The following MAP3K7 variants were observed in gnomAD, a reference collection of about 807,000 sequenced individuals.
MAP3K7 encodes TGF-beta activated kinase 1.
A neutral mutation model predicts 84.8 loss-of-function variants in MAP3K7; 21 were observed. The observed-to-expected ratio is 0.25, with a 90% CI of 0.18 to 0.36. The LOEUF (loss-of-function observed/expected upper bound fraction) is 0.36, where lower values mean the gene tolerates loss of function less well. Ranked by LOEUF, MAP3K7 falls within the 10% of genes least tolerant of loss-of-function variation. The pLI is 1.00. For missense variants in MAP3K7, 503 were observed against 747.7 expected (o/e 0.67, Z 3.82); for synonymous variants, 241 against 247.7 (o/e 0.97, Z 0.25).
At position 90,517,633 on chromosome 6, in the gene MAP3K7, A is replaced by G. The variant is rs3799921; in HGVS notation, c.1640+814T>C. ...CTACGATTTCCAAACTGTAGTATTT[A>G]ATTTCCTATTTAGGCTTACCTTTCA... is the stretch of plus-strand genomic sequence containing the variant. On this transcript the variant is annotated intron_variant, in intron 16 of 16. Coordinates refer to ENST00000369329, the MANE Select transcript of MAP3K7 (RefSeq NM_145331.3). Among the ~76,000 whole-genome samples, 183 of 151,968 alleles carry G rather than the reference A, an allele frequency of 1.2e-3. No individual in the cohort carries two copies. In the East Asian group the frequency reaches 0.029, roughly 24 times the overall value.
At chr6:90,541,264 T>C (rs1416583391) in intron 12 of MAP3K7, among the ~76,000 whole-genome samples, 12 of 152,036 alleles carry the variant, frequency 7.9e-5, no homozygotes, top group Admixed American at 6.6e-5. Context: ...AGAAAATCTA[T>C]TTCTTTTCTC....
chr6:90,533,505 C>G (rs945457508), intron 13 of MAP3K7, among the ~76,000 whole-genome samples: 1 of 152,112 alleles, frequency 6.6e-6, no homozygotes, highest in Non-Finnish European at 1.5e-5. Flanking sequence ...TGTCAGAAAG[C>G]AAGGGCAATT....
intron 3 of MAP3K7, among the ~76,000 whole-genome samples, chr6:90,566,093 C>A (rs1776693571): frequency 6.6e-6 from 1 of 152,082 alleles, no homozygotes; most frequent in South Asian, 2.1e-4. Context: ...TATGACAAAC[C>A]CACAGCCAAT....
At chr6:90,573,883 C>T (rs967689246) in intron 1 of MAP3K7, among the ~76,000 whole-genome samples, 1 of 152,242 alleles carries the variant, frequency 6.6e-6, no homozygotes, top group African/African-American at 2.4e-5. Flanking sequence ...CGTCCTAGCC[C>T]TGGGCACTCA....
At chr6:90,578,351 C>T (rs765381139) in intron 1 of MAP3K7, among the ~76,000 whole-genome samples, 1 of 152,188 alleles carries the variant, frequency 6.6e-6, no homozygotes, top group East Asian at 1.9e-4. Flanking sequence ...CAGCTCACTG[C>T]AGCCTCTGCC....
At chr6:90,542,134 T>C (rs914328616) in intron 12 of MAP3K7, 2 of 582,746 alleles carry the variant, frequency 3.4e-6, no homozygotes, top group African/African-American at 4.1e-5. Context: ...CTAGAAAGTA[T>C]TAAGAAATTT....
rs34960369 is a variant in MAP3K7 at position 90,548,300 on chromosome 6, T to C, written c.950-123A>G. On this transcript the variant is annotated intron_variant, in intron 9 of 16. Coordinates refer to ENST00000369329, the MANE Select transcript of MAP3K7 (RefSeq NM_145331.3). ...CAGGAACAGAAATAAAATAAGACTTTTCAAGCTAATGAAGATATCCAAACA... is the reference window on the plus strand; with the variant it reads ...CAGGAACAGAAATAAAATAAGACTTCTCAAGCTAATGAAGATATCCAAACA... 2,538 of 833,936 alleles carry C rather than the reference T, an allele frequency of 3.0e-3. 38 individuals are homozygous for C. The African/African-American group carries it at 0.04, about 13-fold the overall frequency. The allele number at this position is 833,936 out of a possible 1,614,324, so 51.7% of individuals were successfully genotyped here. A position where few individuals can be genotyped will look rare whatever the true frequency, so the allele number is the denominator to read the frequency against.
chr6:90,547,486 G>C, intron 10 of MAP3K7, 99 bp from the exon 11 acceptor site: 1 of 1,315,686 alleles, frequency 7.6e-7, no homozygotes, highest in Non-Finnish European at 1.1e-6. Flanking sequence ...GATTCTGATA[G>C]ATCCTGTTCT....
chr6:90,547,353 C>T lies in MAP3K7; in HGVS notation c.1115G>A (p.Arg372His), dbSNP rs961650989. 27 of 1,612,256 alleles carry T rather than the reference C, an allele frequency of 1.7e-5. No individual in the cohort carries two copies. The highest frequency in any genetic ancestry group is 9.4e-5 in the African/African-American group (7 of 74,706). The change falls in exon 11 of 17, where the codon CGT becomes CAT. Residue 372 changes from arginine (R) to histidine (H), a missense_variant. By Grantham distance (29) the Arg-to-His change is conservative (BLOSUM62 0). Transcript: ENST00000369329. ...ESGRLSLGASRGSSVESLPPT... is the reference protein window; with the variant it reads ...ESGRLSLGASHGSSVESLPPT... Reference sequence around the variant, plus strand: ...GGGCAAGCTCTCCACACTGCTCCCACGGGAGGCTCCCAAGCTTAAACGTCC... The same window carrying T: ...GGGCAAGCTCTCCACACTGCTCCCATGGGAGGCTCCCAAGCTTAAACGTCC...
chr6:90,531,642 C>T (rs543198652), intron 13 of MAP3K7, among the ~76,000 whole-genome samples: 2 of 152,036 alleles, frequency 1.3e-5, no homozygotes, highest in Non-Finnish European at 2.9e-5. Flanking sequence ...TGGTCTTCTA[C>T]AATAGAAAGG....
At chr6:90,563,143 G>A (rs944875450) in intron 3 of MAP3K7, among the ~76,000 whole-genome samples, 1 of 152,200 alleles carries the variant, frequency 6.6e-6, no homozygotes, top group African/African-American at 2.4e-5. Context: ...CAGAAAAGCT[G>A]AAAATTCTAA....
intron 13 of MAP3K7, among the ~76,000 whole-genome samples, chr6:90,526,232 C>T (rs1042437750): frequency 6.6e-6 from 1 of 152,046 alleles, no homozygotes; most frequent in African/African-American, 2.4e-5. Context: ...AACTTGAACT[C>T]CATAAAAAAC....
rs1484130213 is a variant in MAP3K7, at chr6:90,515,729, T to C, written c.*772A>G. ...TTGCCTTTTAATTTCATTTAAGAGA[T>C]TAATATTAGAGTCATAAAAGCTTTA... On this transcript the variant is annotated 3_prime_UTR_variant, in exon 17 of 17. Transcript: ENST00000369329. 6.6e-6 allele frequency: 1 copy of C among 151,872 alleles called. No homozygotes were observed. The highest frequency in any genetic ancestry group is 1.5e-5 in the Non-Finnish European group (1 of 67,886). 9.4% of individuals were successfully genotyped at this position (151,872 alleles called of 1,614,324 possible).
At chr6:90,526,793 T>C (rs561200780) in intron 13 of MAP3K7, among the ~76,000 whole-genome samples, 1 of 152,212 alleles carries the variant, frequency 6.6e-6, no homozygotes, top group African/African-American at 2.4e-5. Context: ...AGGAGGGTTT[T>C]ACAGGTAAGT....
intron 6 of MAP3K7, among the ~76,000 whole-genome samples, chr6:90,554,469 AAAAC>A (rs1022952469): frequency 2.2e-4 from 33 of 152,356 alleles, no homozygotes; most frequent in East Asian, 3.9e-4. Flanking sequence ...TAATCTCCCA[AAAAC>A]AAACAAACAC....
chr6:90,575,444 C>T (rs974412533), intron 1 of MAP3K7, among the ~76,000 whole-genome samples: 2 of 152,146 alleles, frequency 1.3e-5, no homozygotes, highest in African/African-American at 4.8e-5. Flanking sequence ...ACAGCATGTG[C>T]TCTGCAAACA....
chr6:90,548,081 T>C lies in MAP3K7; in HGVS notation c.1046A>G (p.Glu349Gly), dbSNP rs371531755. The change falls in exon 10 of 17, where the codon GAA becomes GGA. Residue 349 changes from glutamate (E) to glycine (G), a missense_variant. Glu to Gly is a moderately conservative substitution (Grantham distance 98, BLOSUM62 -2). This residue lies in a region of MAP3K7 where 286 missense variants were observed against 313.6 expected (regional missense o/e 0.91). Coordinates refer to ENST00000369329, the MANE Select transcript of MAP3K7 (RefSeq NM_145331.3). The stretch of plus-strand genomic sequence containing the variant: ...TGCCTGATTTTTCAACAATTTTGAT[T>C]CTAAGCGCTTAATAGTATCATTTGT... ...PATNDTIKRLESKLLKNQAKQ... is the reference protein window; with the variant it reads ...PATNDTIKRLGSKLLKNQAKQ... The C allele has an allele frequency of 3.7e-6, 6 of 1,611,224 alleles. No homozygotes were observed. Among genetic ancestry groups the C allele is most frequent in the Non-Finnish European group, 5.1e-6 (6 of 1,178,910 alleles).
chr6:90,587,019 G>T lies in MAP3K7; in HGVS notation c.-136C>A. 9.0e-7 allele frequency: 1 copy of T among 1,106,788 alleles called. No homozygotes were observed. Among genetic ancestry groups the T allele is most frequent in the Non-Finnish European group, 1.2e-6 (1 of 830,358 alleles). 68.6% of individuals were successfully genotyped at this position (1,106,788 alleles called of 1,614,324 possible). On this transcript the variant is annotated 5_prime_UTR_variant, in exon 1 of 17. Transcript: ENST00000369329. ...TACTACCCGGCGATCCGTGGCGGGG[G>T]TAGAGGCAGCGGCCACAGCCGTGTC...
rs1377748291 is a variant in MAP3K7 at position 90,523,278 on chromosome 6, TTGAGA to T, written c.1462+395_1462+399del. Among the ~76,000 whole-genome samples, 3 of 152,218 alleles carry T rather than the reference TTGAGA, an allele frequency of 2.0e-5. No individual in the cohort carries two copies. In the East Asian group the frequency reaches 5.8e-4, roughly 29 times the overall value. ...CATGACATCTCGTGTCCTTAAAAGATTGAGATGAAGATGATGGGGATGATTTTTAC... is the reference window on the plus strand; with the variant it reads ...CATGACATCTCGTGTCCTTAAAAGATTGAAGATGATGGGGATGATTTTTAC... On this transcript the variant is annotated intron_variant, in intron 14 of 16. Transcript: ENST00000369329.
Sources: allele counts gnomAD v4.1 joint callset (sites outside exome capture counted in the v4.1 genomes callset), GRCh38; gene constraint gnomAD v4.1.1; regional missense constraint gnomAD v4.1.1; transcripts MANE v1.5; gene names NCBI Gene and HGNC (gene_info 2026-07-23, HGNC 2026-07-21).